KLF12: variants seen among roughly 807,000 people sequenced by gnomAD.
KLF12 encodes KLF transcription factor 12.
In KLF12, 9 loss-of-function variants were observed where a neutral mutation model predicts 37.8. That is an observed-to-expected ratio of 0.24 (90% CI 0.14 to 0.42). The LOEUF (loss-of-function observed/expected upper bound fraction) is 0.42. Ranked by LOEUF, KLF12 falls within the 10% of genes least tolerant of loss-of-function variation. The pLI is 1.00. For missense variants in KLF12, 411 were observed against 516.0 expected, an observed-to-expected ratio of 0.80 and a Z score of 1.97; for synonymous variants, 208 against 202.1, an observed-to-expected ratio of 1.03 and a Z score of -0.25.
intron 4 of KLF12, among the ~76,000 whole-genome samples, chr13:73,816,299 CT>C (rs1883212480): frequency 6.6e-6 from 1 of 152,206 alleles, no homozygotes; most frequent in African/African-American, 2.4e-5. Context: ...AGAAAGTTAT[CT>C]GGACACCAGA....
At chr13:74,160,754 C>T in the KLF12 span, among the ~76,000 whole-genome samples, 6 of 152,130 alleles carry the variant, frequency 3.9e-5, no homozygotes, top group Non-Finnish European at 5.9e-5. Context: ...ATGAGGTTAG[C>T]AGGGAGGAAG....
the KLF12 span, among the ~76,000 whole-genome samples, chr13:74,278,284 C>G: frequency 2.0e-5 from 3 of 152,294 alleles, no homozygotes; most frequent in Non-Finnish European, 2.9e-5. Flanking sequence ...TCTATTCCTA[C>G]TTCAGGTAGT....
rs1362631015 is a variant in KLF12, at chr13:73,868,329, G to GC, written c.124-21957_124-21956insG. Among the ~76,000 whole-genome samples, 4 of 84,160 alleles carry GC rather than the reference G, an allele frequency of 4.8e-5. 1 individual carries two copies. Among genetic ancestry groups the GC allele is most frequent in the Non-Finnish European group, 7.3e-5 (3 of 41,030 alleles). 55.2% of individuals were successfully genotyped at this position (84,160 alleles called of 152,430 possible). On this transcript the variant is annotated intron_variant, in intron 3 of 7. Transcript: ENST00000377669. ...CAAAAGAAAAAAGGCGGGGGCGGTG[G>GC]GGGGGGGGGGTGATTTCAGTACAAA...
At chr13:73,831,025 C>CACACACACACACAT (rs1555311663) in intron 4 of KLF12, among the ~76,000 whole-genome samples, 9 of 141,634 alleles carry the variant, frequency 6.4e-5, no homozygotes, top group Non-Finnish European at 1.1e-4. Flanking sequence ...CACACACACA[C>CACACACACACACAT]GCATACTTAT....
At chr13:74,025,072 A>G (rs4885145) in intron 1 of KLF12, among the ~76,000 whole-genome samples, 25,833 of 152,198 alleles carry the variant, frequency 0.17, 2,353 homozygotes, top group Admixed American at 0.24. Context: ...AACAATGTAC[A>G]TATGACAGAG....
At chr13:74,145,449 A>G in the KLF12 span, among the ~76,000 whole-genome samples, 1 of 152,170 alleles carries the variant, frequency 6.6e-6, no homozygotes, top group African/African-American at 2.4e-5. Flanking sequence ...TGTTATCCAC[A>G]TGCATGAGTT....
rs919730274 is a variant in KLF12, at chr13:74,124,138, T to TA, written c.-32+9600dup. ...AATTCCACCACACTCAATATAGTGCTAAAAAAAAATTCCATTAATGCTTTT... is the reference window on the plus strand; with the variant it reads ...AATTCCACCACACTCAATATAGTGCTAAAAAAAAAATTCCATTAATGCTTTT... On this transcript the variant is annotated intron_variant, in intron 1 of 7. Transcript: ENST00000377669. Among the ~76,000 whole-genome samples, 12 of 151,800 alleles carry TA rather than the reference T, an allele frequency of 7.9e-5. No individual in the cohort carries two copies. The South Asian group carries it at 1.0e-3, about 13-fold the overall frequency.
chr13:74,003,961 A>C (rs1046614211), intron 1 of KLF12, among the ~76,000 whole-genome samples: 3 of 152,210 alleles, frequency 2.0e-5, no homozygotes, highest in African/African-American at 7.2e-5. Context: ...ACACACACAA[A>C]ACTAATACGT....
At chr13:74,111,059 A>T (rs933743846) in intron 1 of KLF12, among the ~76,000 whole-genome samples, 1 of 151,904 alleles carries the variant, frequency 6.6e-6, no homozygotes, top group African/African-American at 2.4e-5. Context: ...AGGCTGAGGC[A>T]GGAGAACTGC....
intron 3 of KLF12, among the ~76,000 whole-genome samples, chr13:73,902,849 G>A (rs1888098925): frequency 6.6e-6 from 1 of 152,150 alleles, no homozygotes; most frequent in South Asian, 2.1e-4. Flanking sequence ...TTGTAACTAG[G>A]ATTGCTGAAA....
chr13:74,099,319 C>T (rs1203546796), intron 1 of KLF12, among the ~76,000 whole-genome samples: 2 of 152,134 alleles, frequency 1.3e-5, no homozygotes, highest in African/African-American at 4.8e-5. Context: ...TGCACTCTAG[C>T]CTGGGCAACA....
At chr13:73,953,966 CTTTCTTTTTT>C (rs1412881608) in intron 2 of KLF12, among the ~76,000 whole-genome samples, 31 of 106,380 alleles carry the variant, frequency 2.9e-4, no homozygotes, top group Non-Finnish European at 4.9e-4. Context: ...TTTGTTTTTT[CTTTCTTTTTT>C]TTTTTTTTTT....
chr13:73,766,937 T>C (rs1879955644), intron 5 of KLF12, among the ~76,000 whole-genome samples: 2 of 152,184 alleles, frequency 1.3e-5, no homozygotes, highest in South Asian at 2.1e-4. Flanking sequence ...ATTTCTATAA[T>C]GGTTTAGCAG....
At chr13:74,284,332 T>A in the KLF12 span, among the ~76,000 whole-genome samples, 1 of 152,140 alleles carries the variant, frequency 6.6e-6, no homozygotes, top group African/African-American at 2.4e-5. Flanking sequence ...CTCAATTCCT[T>A]AAGACAAACT....
chr13:74,065,890 G>T (rs1331661685), intron 1 of KLF12, among the ~76,000 whole-genome samples: 2 of 151,944 alleles, frequency 1.3e-5, no homozygotes, highest in Admixed American at 1.3e-4. Context: ...CCTCACAGAG[G>T]TTTTATGAAG....
intron 1 of KLF12, among the ~76,000 whole-genome samples, chr13:74,095,196 T>G (rs1360460828): frequency 6.6e-6 from 1 of 152,184 alleles, no homozygotes; most frequent in East Asian, 1.9e-4. Flanking sequence ...TCAGTCATCT[T>G]TTTTTCAGAT....
intron 3 of KLF12, among the ~76,000 whole-genome samples, chr13:73,924,596 A>G (rs1360999825): frequency 6.6e-6 from 1 of 152,046 alleles, no homozygotes; most frequent in African/African-American, 2.4e-5. Flanking sequence ...ATTCCCTGAG[A>G]CATTAAGTAT....
At chr13:73,766,765 G>A (rs1473443135) in intron 5 of KLF12, among the ~76,000 whole-genome samples, 1 of 152,142 alleles carries the variant, frequency 6.6e-6, no homozygotes, top group Non-Finnish European at 1.5e-5. Context: ...ATTCCACTGG[G>A]TGAAGTTTAA....
At chr13:74,026,255 T>A (rs931361653) in intron 1 of KLF12, among the ~76,000 whole-genome samples, 7 of 151,796 alleles carry the variant, frequency 4.6e-5, no homozygotes, top group African/African-American at 1.7e-4. Flanking sequence ...TAAAGAGGGA[T>A]GGAAGAGGAA....
Sources: allele counts gnomAD v4.1 joint callset (sites outside exome capture counted in the v4.1 genomes callset), GRCh38; gene constraint gnomAD v4.1.1; transcripts MANE v1.5; gene names NCBI Gene and HGNC (gene_info 2026-07-23, HGNC 2026-07-21).